The following SCUBE1 variants were observed in gnomAD, a reference collection of about 807,000 sequenced individuals.
SCUBE1 encodes the protein signal peptide, CUB domain and EGF like domain containing 1, also known as signal peptide, CUB and EGF-like domain-containing protein 1.
Under a neutral mutation model 124.4 loss-of-function variants are expected in SCUBE1, and 59 were observed. The ratio of observed to expected loss-of-function variants is 0.47; its 90% CI spans 0.38 to 0.59. The LOEUF is 0.59. Among genes scored for constraint, SCUBE1 ranks in the 20% least tolerant of loss-of-function variants. The pLI is 0.00. For missense variants in SCUBE1, 1,150 were observed against 1,371.2 expected (o/e 0.84, Z 2.55); for synonymous variants, 545 against 550.9 (o/e 0.99, Z 0.15).
At chr22:43,340,375 C>A (rs554748693) in intron 1 of SCUBE1, among the ~76,000 whole-genome samples, 33 of 152,232 alleles carry the variant, frequency 2.2e-4, no homozygotes, top group African/African-American at 7.7e-4. Context: ...CTGCCCCCAA[C>A]ACATATACAC....
chr22:43,306,165 G>A (rs1011828862), intron 3 of SCUBE1, among the ~76,000 whole-genome samples: 7 of 152,222 alleles, frequency 4.6e-5, no homozygotes, highest in Admixed American at 1.3e-4. Context: ...ATTGACAGAC[G>A]CAGTACTGGA....
intron 3 of SCUBE1, among the ~76,000 whole-genome samples, chr22:43,299,051 CAA>C (rs368762604): frequency 5.1e-5 from 7 of 136,452 alleles, no homozygotes; most frequent in Admixed American, 7.2e-5. Flanking sequence ...GACTCCGTCT[CAA>C]AAAAAAAAAA....
rs181827933 is a variant in SCUBE1 at position 43,288,551 on chromosome 22, C to T, written c.484+2495G>A. On this transcript the variant is annotated intron_variant, in intron 4 of 21. Coordinates refer to ENST00000360835, the MANE Select transcript of SCUBE1 (RefSeq NM_173050.5). ...GTCCCACCCTTTGTTCAGCTTTTCA[C>T]GTGCCCATTCCCACCCCAGGGCCTT... Among the ~76,000 whole-genome samples the T allele has an allele frequency of 2.7e-3, 410 of 152,360 alleles. 2 individuals are homozygous for T. The highest frequency in any genetic ancestry group is 9.5e-3 in the African/African-American group (397 of 41,586).
intron 6 of SCUBE1, 82 bp from the exon 7 acceptor site, chr22:43,239,036 G>A (rs909367373): frequency 2.7e-6 from 3 of 1,097,306 alleles, no homozygotes; most frequent in Admixed American, 1.8e-5. Context: ...GATCTTCTAT[G>A]AGACAGGAGA....
rs903512469 is a variant in SCUBE1 at position 43,234,029 on chromosome 22, C to A, written c.845-2154G>T. ...GGAGCCGGCTCTCAGCCAGCACCAT[C>A]CGAACCCAAAGACGGGCCTGCTGCA... is the stretch of plus-strand genomic sequence containing the variant. On this transcript the variant is annotated intron_variant, in intron 7 of 21. Coordinates refer to ENST00000360835, the MANE Select transcript of SCUBE1 (RefSeq NM_173050.5). This position sits in a 1 kb window ranked among gnomAD's most constrained non-coding sequence, Gnocchi z 4.4. Among the ~76,000 whole-genome samples, 3 of 152,046 alleles carry A rather than the reference C, an allele frequency of 2.0e-5. No homozygotes were observed. Among genetic ancestry groups the A allele is most frequent in the African/African-American group, 7.2e-5 (3 of 41,394 alleles).
intron 2 of SCUBE1, among the ~76,000 whole-genome samples, chr22:43,337,076 G>A (rs1333489173): frequency 6.6e-6 from 1 of 152,126 alleles, no homozygotes; most frequent in Non-Finnish European, 1.5e-5. Flanking sequence ...GGAGACCCCT[G>A]GCAGTTCCCG....
At chr22:43,308,690 ACT>A (rs1001118014) in intron 3 of SCUBE1, among the ~76,000 whole-genome samples, 1 of 152,164 alleles carries the variant, frequency 6.6e-6, no homozygotes, top group African/African-American at 2.4e-5. Context: ...GCATCTGGGC[ACT>A]CGCCGGTGAC....
At position 43,221,237 on chromosome 22, in the gene SCUBE1, G is replaced by A. The variant is rs750455306; in HGVS notation, c.1485C>T (p.Ala495=). Residue 495 remains alanine (A), a synonymous_variant, in exon 13 of 22, where the codon GCC becomes GCT. Coordinates refer to ENST00000360835, the MANE Select transcript of SCUBE1 (RefSeq NM_173050.5). ...KQKARFKIRD[A]KCHLRPHSQA... ...GGCTGTGGGGCCGGAGGTGGCACTT[G>A]GCATCTCGGATCTTGAAGCGGGCCT... 2 of 1,612,046 alleles carry A rather than the reference G, an allele frequency of 1.2e-6. No homozygotes were observed. The highest frequency in any genetic ancestry group is 3.3e-5 in the Admixed American group (2 of 60,020).
At position 43,238,864 on chromosome 22, in the gene SCUBE1, A is replaced by G. The variant is rs1194116588; in HGVS notation, c.818T>C (p.Leu273Pro). The change falls in exon 7 of 22, where the codon CTG becomes CCG. Residue 273 changes from leucine (L) to proline (P), a missense_variant. Physicochemically the swap from Leu to Pro is moderately conservative, Grantham distance 98. This residue lies in a region of SCUBE1 where 337 missense variants were observed against 482.1 expected (regional missense o/e 0.70). Coordinates refer to ENST00000360835, the MANE Select transcript of SCUBE1 (RefSeq NM_173050.5). ...VRCSCPVGFT[L>P]QPDGKTCKDI... Reference sequence around the variant, plus strand: ...TTTGCATGTCTTCCCGTCCGGCTGCAGTGTGAATCCAACGGGGCAGCTGCA... The same window carrying G: ...TTTGCATGTCTTCCCGTCCGGCTGCGGTGTGAATCCAACGGGGCAGCTGCA... 2 of 1,613,084 alleles carry G rather than the reference A, an allele frequency of 1.2e-6. No individual in the cohort carries two copies. Among genetic ancestry groups the G allele is most frequent in the Non-Finnish European group, 1.7e-6 (2 of 1,179,976 alleles).
chr22:43,289,418 C>A (rs930079831), intron 4 of SCUBE1, among the ~76,000 whole-genome samples: 1 of 152,218 alleles, frequency 6.6e-6, no homozygotes. Flanking sequence ...GTGACAGCAG[C>A]AAGTGCCAGG....
intron 4 of SCUBE1, among the ~76,000 whole-genome samples, chr22:43,267,537 G>A (rs1924121265): frequency 6.6e-6 from 1 of 152,208 alleles, no homozygotes; most frequent in Non-Finnish European, 1.5e-5. Context: ...AAGTCCTGCG[G>A]TCCCTGTGGA....
At chr22:43,207,921 T>A in intron 20 of SCUBE1, 151 bp downstream of exon 20, 1 of 921,518 alleles carries the variant, frequency 1.1e-6, no homozygotes, top group Non-Finnish European at 1.7e-6. Flanking sequence ...TCAGCCTGTC[T>A]GGCTCTGGCC....
In SCUBE1 at chr22:43,288,669, C is replaced by T. The variant is rs556791380; in HGVS notation, c.484+2377G>A. Reference sequence around the variant, plus strand: ...GTCTGCTGCACCACCCGTTTCTTTCCTCTCACACCGCATCACCTCCCAAGG... The same window carrying T: ...GTCTGCTGCACCACCCGTTTCTTTCTTCTCACACCGCATCACCTCCCAAGG... On this transcript the variant is annotated intron_variant, in intron 4 of 21. Coordinates refer to ENST00000360835, the MANE Select transcript of SCUBE1 (RefSeq NM_173050.5). Among the ~76,000 whole-genome samples, 3 of 152,366 alleles carry T rather than the reference C, an allele frequency of 2.0e-5. No homozygotes were observed. In the South Asian group the frequency reaches 6.2e-4, roughly 32 times the overall value.
intron 2 of SCUBE1, among the ~76,000 whole-genome samples, chr22:43,330,964 C>T (rs1456216791): frequency 1.3e-5 from 2 of 152,144 alleles, no homozygotes; most frequent in African/African-American, 4.8e-5. Context: ...CTGAGCCTCC[C>T]ACCGCCTACT....
intron 6 of SCUBE1, among the ~76,000 whole-genome samples, chr22:43,251,042 C>G (rs1159175793): frequency 6.6e-6 from 1 of 152,178 alleles, no homozygotes. Context: ...ATAGCTGCCT[C>G]CCAGGGCTGT....
chr22:43,334,932 C>G (rs1327755737), intron 2 of SCUBE1, among the ~76,000 whole-genome samples: 2 of 152,174 alleles, frequency 1.3e-5, no homozygotes, highest in African/African-American at 2.4e-5. Flanking sequence ...GATTTGAACC[C>G]AAGCCATCTG....
intron 4 of SCUBE1, among the ~76,000 whole-genome samples, chr22:43,275,522 T>C (rs1320752181): frequency 1.3e-5 from 2 of 152,188 alleles, no homozygotes; most frequent in Admixed American, 6.5e-5. Context: ...CTGCCCTTCT[T>C]GGGAGCTCAT....
At chr22:43,320,527 G>A (rs1926508342) in intron 2 of SCUBE1, among the ~76,000 whole-genome samples, 1 of 152,144 alleles carries the variant, frequency 6.6e-6, no homozygotes, top group South Asian at 2.1e-4. Context: ...CTTGATAAAG[G>A]TCACCCTTTT....
intron 6 of SCUBE1, among the ~76,000 whole-genome samples, chr22:43,250,703 A>T (rs34586152): frequency 6.6e-6 from 1 of 152,040 alleles, no homozygotes; most frequent in Admixed American, 6.5e-5. Context: ...AACACGGGGC[A>T]GAGTGCAAGG....
Sources: allele counts gnomAD v4.1 joint callset (sites outside exome capture counted in the v4.1 genomes callset), GRCh38; gene constraint gnomAD v4.1.1; regional missense constraint gnomAD v4.1.1; non-coding constraint Gnocchi (gnomAD v3.1); transcripts MANE v1.5; gene names NCBI Gene and HGNC (gene_info 2026-07-23, HGNC 2026-07-21).